Variants in DST observed in about 807,000 individuals in gnomAD.
The protein encoded by DST is bullous pemphigoid antigen.
A neutral mutation model predicts 875.2 loss-of-function variants in DST; 253 were observed. The observed-to-expected ratio is 0.29, with a 90% CI of 0.26 to 0.32. The LOEUF (loss-of-function observed/expected upper bound fraction) is 0.32. Ranked by LOEUF, DST falls within the 10% of genes least tolerant of loss-of-function variation. DST has a pLI of 1.00. For missense variants in DST, 8,287 were observed against 9,111.6 expected, an observed-to-expected ratio of 0.91 and a Z score of 3.68; for synonymous variants, 3,124 against 3,197.1, an observed-to-expected ratio of 0.98 and a Z score of 0.77.
At position 56,474,011 on chromosome 6, in the gene DST, A is replaced by G; in HGVS notation, c.21865-9T>C. ...ATTTCCTCCATGAAGGTCTGAAATG[A>G]AAGAAATGATGTCAATCAAATAAGA... On this transcript the variant is annotated splice_polypyrimidine_tract_variant and intron_variant, in intron 92 of 103. Coordinates refer to ENST00000680361, the MANE Select transcript of DST (RefSeq NM_001374736.1). 1 of 1,567,784 alleles carries G rather than the reference A, an allele frequency of 6.4e-7. No homozygotes were observed.
chr6:56,610,571 C>T lies in DST; in HGVS notation c.5148-9G>A. 1 of 1,568,376 alleles carries T rather than the reference C, an allele frequency of 6.4e-7. No homozygotes were observed. The highest frequency in any genetic ancestry group is 8.6e-7 in the Non-Finnish European group (1 of 1,160,830). ...TTTCTTCATCTGTCATTCTAAATAA[C>T]CAGAAATGATAAAAAGACTAATGCA... is the stretch of plus-strand genomic sequence containing the variant. On this transcript the variant is annotated splice_polypyrimidine_tract_variant and intron_variant, in intron 38 of 103. Transcript: ENST00000680361.
intron 36 of DST, chr6:56,616,824 C>T: frequency 6.2e-7 from 1 of 1,614,178 alleles, no homozygotes; most frequent in Non-Finnish European, 8.5e-7. Context: ...TATCCCACAG[C>T]TGCCTTCTCT....
At chr6:56,668,184 T>G (rs979296307) in intron 10 of DST, among the ~76,000 whole-genome samples, 1 of 152,322 alleles carries the variant, frequency 6.6e-6, no homozygotes, top group South Asian at 2.1e-4. Flanking sequence ...CCACAAAGAT[T>G]CTATCATTCC....
chr6:56,617,437 A>G, intron 36 of DST: 2 of 1,594,534 alleles, frequency 1.3e-6, no homozygotes, highest in Non-Finnish European at 1.7e-6. Context: ...GGAATTTATA[A>G]AATGTTAAAA....
intron 3 of DST, among the ~76,000 whole-genome samples, chr6:56,860,268 G>A (rs1770324693): frequency 6.6e-6 from 1 of 152,174 alleles, no homozygotes; most frequent in South Asian, 2.1e-4. Context: ...GCTGTATTCA[G>A]AGAGTAAAGG....
At chr6:56,592,675 T>A (rs149680929) in intron 48 of DST, among the ~76,000 whole-genome samples, 4 of 152,282 alleles carry the variant, frequency 2.6e-5, no homozygotes, top group Non-Finnish European at 5.9e-5. Flanking sequence ...TGATACACCA[T>A]GTGTATAGAT....
intron 4 of DST, among the ~76,000 whole-genome samples, chr6:56,754,167 T>C (rs2099595891): frequency 6.6e-6 from 1 of 152,224 alleles, no homozygotes. Context: ...TTCCAAGTGA[T>C]CTCTGGTAAG....
intron 4 of DST, among the ~76,000 whole-genome samples, chr6:56,760,353 T>C (rs1373446438): frequency 6.6e-6 from 1 of 152,238 alleles, no homozygotes; most frequent in Admixed American, 6.5e-5. Context: ...TAAAATTAGT[T>C]TCCAGCATCT....
Position 56,573,064 on chromosome 6 carries a change from T to C in DST, c.13237A>G (p.Met4413Val). 6.5e-7 allele frequency: 1 copy of C among 1,537,720 alleles called. No homozygotes were observed. The highest frequency in any genetic ancestry group is 8.7e-7 in the Non-Finnish European group (1 of 1,145,484). Reference sequence around the variant, plus strand: ...CGACCTGCAATATCCTGTTCCAACATCTAAAATAAACCAAATATTGCATAT... The same window carrying C: ...CGACCTGCAATATCCTGTTCCAACACCTAAAATAAACCAAATATTGCATAT... ...ALQDIISKNI[M>V]LEQDIAGRQS... is the part of the protein sequence containing the mutation. The change falls in exon 52 of 104, where the codon ATG (methionine) becomes GTG (valine). Residue 4413 changes from methionine (M) to valine (V), a missense_variant and splice_region_variant. Coordinates refer to ENST00000680361, the MANE Select transcript of DST (RefSeq NM_001374736.1).
At chr6:56,646,754 G>A (rs538411446) in intron 13 of DST, among the ~76,000 whole-genome samples, 7 of 152,114 alleles carry the variant, frequency 4.6e-5, no homozygotes, top group Non-Finnish European at 7.4e-5. Flanking sequence ...AGTTTCAACC[G>A]TGTAATTAAG....
chr6:56,565,513 CT>C (rs927729068), intron 55 of DST, among the ~76,000 whole-genome samples: 16 of 152,266 alleles, frequency 1.1e-4, no homozygotes, highest in Middle Eastern at 3.4e-3. Flanking sequence ...GTGAATCTGT[CT>C]GGTCCTGGGC....
At chr6:56,480,875 A>G (rs1322590250) in intron 90 of DST, among the ~76,000 whole-genome samples, 1 of 152,136 alleles carries the variant, frequency 6.6e-6, no homozygotes, top group Non-Finnish European at 1.5e-5. Flanking sequence ...CTGAGACCCA[A>G]ACCTAAGTAT....
At chr6:56,716,442 A>G (rs2099394777) in intron 5 of DST, among the ~76,000 whole-genome samples, 1 of 152,226 alleles carries the variant, frequency 6.6e-6, no homozygotes, top group African/African-American at 2.4e-5. Context: ...AGATAAAATC[A>G]TGGCAGTAAA....
chr6:56,491,022 T>G (rs576704902), intron 85 of DST, among the ~76,000 whole-genome samples: 6 of 152,154 alleles, frequency 3.9e-5, no homozygotes, highest in Admixed American at 2.6e-4. Context: ...ACTCAAGAAA[T>G]GCCGGCACTA....
Position 56,735,267 on chromosome 6 carries a change from C to G in DST, c.648G>C (p.Lys216Asn), listed in dbSNP as rs1339742563. Reference sequence around the variant, plus strand: ...GATTTATCCATTTTGTAAATGTTTTCTTCTGAACTTTGTCCCGTTCATCTG... The same window carrying G: ...GATTTATCCATTTTGTAAATGTTTTGTTCTGAACTTTGTCCCGTTCATCTG... ...RIADERDKVQ[K>N]KTFTKWINQH... The change falls in exon 5 of 104, where the codon AAG (lysine) becomes AAC (asparagine). Residue 216 changes from lysine (K) to asparagine (N), a missense_variant. Transcript: ENST00000680361. 6.5e-7 allele frequency: 1 copy of G among 1,549,978 alleles called. No homozygotes were observed. The highest frequency in any genetic ancestry group is 1.2e-5 in the South Asian group (1 of 83,886).
intron 47 of DST, 121 bp from the exon 48 acceptor site, chr6:56,594,314 A>G: frequency 2.7e-6 from 2 of 744,702 alleles, no homozygotes; most frequent in East Asian, 5.2e-5. Flanking sequence ...CTTGCTTCTC[A>G]TTCCCCTTTT....
chr6:56,710,218 A>G (rs559338741), intron 5 of DST, among the ~76,000 whole-genome samples: 2 of 152,308 alleles, frequency 1.3e-5, no homozygotes, highest in African/African-American at 2.4e-5. Flanking sequence ...AAACTGGAAG[A>G]GTCATTCCAT....
chr6:56,675,932 C>T (rs1473273322), intron 9 of DST, among the ~76,000 whole-genome samples: 3 of 152,026 alleles, frequency 2.0e-5, no homozygotes, highest in African/African-American at 4.8e-5. Context: ...ACAAGGCATA[C>T]AAATGGCCAA....
At position 56,555,699 on chromosome 6, in the gene DST, A is replaced by G. The variant is rs1386321474; in HGVS notation, c.14782T>C (p.Trp4928Arg). 3 of 1,611,556 alleles carry G rather than the reference A, an allele frequency of 1.9e-6. No homozygotes were observed. Among genetic ancestry groups the G allele is most frequent in the Non-Finnish European group, 8.5e-7 (1 of 1,177,816 alleles). Residue 4928 changes from tryptophan to arginine, a missense_variant, in exon 60 of 104, where the codon TGG (tryptophan) becomes CGG (arginine). Coordinates refer to ENST00000680361, the MANE Select transcript of DST (RefSeq NM_001374736.1). ...KEQLAAVTQKWDSLTGQLSDR... is the reference protein window; with the variant it reads ...KEQLAAVTQKRDSLTGQLSDR... The stretch of plus-strand genomic sequence containing the variant: ...CTCAATTGCCCTGTTAGGCTATCCC[A>G]TTTTTGGGTCACAGCTGCCAGTTGC...
Sources: gnomAD v4.1 joint callset for allele counts (sites outside exome capture counted in the v4.1 genomes callset) on GRCh38, gnomAD v4.1.1 for gene constraint, MANE v1.5 for transcripts, NCBI Gene and HGNC (gene_info 2026-07-23, HGNC 2026-07-21) for gene names.